The following FAT3 variants were observed in gnomAD, a reference collection of about 807,000 sequenced individuals.
FAT3 encodes the protein protocadherin Fat 3.
A neutral mutation model predicts 310.2 loss-of-function variants in FAT3; 95 were observed. The ratio of observed to expected loss-of-function variants is 0.31; its 90% CI spans 0.26 to 0.36. FAT3 has a LOEUF of 0.36. FAT3 is among the 10% of genes least tolerant of loss of function. The pLI is 1.00. For synonymous variants in FAT3, 2,314 were observed against 2,192.9 expected (o/e 1.06, Z -1.54); for missense variants, 5,408 against 5,715.6 (o/e 0.95, Z 1.74).
chr11:92,798,246 A>C lies in FAT3; in HGVS notation c.5233A>C (p.Asn1745His). The change falls in exon 10 of 28, where the codon AAT becomes CAT. Residue 1745 changes from asparagine (N) to histidine (H), a missense_variant. By Grantham distance (68) the Asn-to-His change is moderately conservative (BLOSUM62 1). Transcript: ENST00000525166. ...TTATCAACTCATCATTCAGGCCACC[A>C]ATATGGCAGGAATGGCTTCCAATGC... ...SSYQLIIQAT[N>H]MAGMASNATV... is the part of the protein sequence containing the mutation. 1 of 1,613,980 alleles carries C rather than the reference A, an allele frequency of 6.2e-7. No homozygotes were observed. Among genetic ancestry groups the C allele is most frequent in the South Asian group, 1.1e-5 (1 of 91,080 alleles).
At chr11:92,296,694 G>A (rs192198132) in intron 1 of FAT3, among the ~76,000 whole-genome samples, 6 of 152,174 alleles carry the variant, frequency 3.9e-5, no homozygotes, top group Non-Finnish European at 5.9e-5. Flanking sequence ...AAGGCTCAGC[G>A]CGAAATGGAG....
At position 92,840,600 on chromosome 11, in the gene FAT3, G is replaced by A. The variant is rs1191253751; in HGVS notation, c.10407G>A (p.Val3469=). The A allele has an allele frequency of 1.2e-6, 2 of 1,607,334 alleles. No individual in the cohort carries two copies. Among genetic ancestry groups the A allele is most frequent in the East Asian group, 2.2e-5 (1 of 44,690 alleles). ...KPVGTSILQL[V]VTDRDSFHNG... ...TGGGCACCAGCATCTTGCAGCTGGT[G>A]GTGACAGACAGAGACTCCTTTCACA... The change falls in exon 18 of 28, where the codon GTG becomes GTA. Residue 3469 remains valine, a synonymous_variant. Transcript: ENST00000525166.
At chr11:92,575,185 T>G (rs1938411699) in intron 3 of FAT3, among the ~76,000 whole-genome samples, 1 of 152,132 alleles carries the variant, frequency 6.6e-6, no homozygotes, top group African/African-American at 2.4e-5. Context: ...TAAAACTAAG[T>G]ATAGGTGATG....
chr11:92,340,344 G>A (rs1160754547), intron 1 of FAT3, among the ~76,000 whole-genome samples: 1 of 151,920 alleles, frequency 6.6e-6, no homozygotes, highest in African/African-American at 2.4e-5. Flanking sequence ...AAGGCTGTAG[G>A]GTTGCTGTCA....
intron 22 of FAT3, 104 bp from the exon 23 acceptor site, chr11:92,880,627 A>G: frequency 7.4e-7 from 1 of 1,351,474 alleles, no homozygotes; most frequent in Non-Finnish European, 1.0e-6. Context: ...GGCCCTTCCT[A>G]TTATACGGTT....
intron 2 of FAT3, among the ~76,000 whole-genome samples, chr11:92,412,722 T>TACACAC (rs1429219895): frequency 1.7e-4 from 3 of 17,736 alleles, no homozygotes; most frequent in Non-Finnish European, 6.0e-4. Flanking sequence ...TATATATATA[T>TACACAC]ATATATATAT....
intron 3 of FAT3, among the ~76,000 whole-genome samples, chr11:92,570,741 G>C (rs1955640545): frequency 6.6e-6 from 1 of 152,140 alleles, no homozygotes; most frequent in Non-Finnish European, 1.5e-5. Flanking sequence ...GATTGAAAAA[G>C]GCACCATCCC....
intron 2 of FAT3, among the ~76,000 whole-genome samples, chr11:92,513,146 C>T (rs1350499863): frequency 1.4e-5 from 2 of 146,294 alleles, no homozygotes; most frequent in Non-Finnish European, 3.0e-5. Flanking sequence ...AAGATTATCT[C>T]CACCCACAAT....
intron 3 of FAT3, among the ~76,000 whole-genome samples, chr11:92,536,801 G>A (rs941769741): frequency 1.3e-5 from 2 of 152,026 alleles, no homozygotes; most frequent in African/African-American, 2.4e-5. Context: ...GACTGTGATG[G>A]GGCTAAACAA....
intron 3 of FAT3, among the ~76,000 whole-genome samples, chr11:92,527,050 A>C (rs1953890873): frequency 6.6e-6 from 1 of 152,192 alleles, no homozygotes; most frequent in Non-Finnish European, 1.5e-5. Flanking sequence ...GATATAGCTA[A>C]AGATATAAAT....
In FAT3 at chr11:92,891,333, A is replaced by T. The variant is rs546990149; in HGVS notation, c.*220A>T. 2 of 619,438 alleles carry T rather than the reference A, an allele frequency of 3.2e-6. No individual in the cohort carries two copies. The highest frequency in any genetic ancestry group is 3.0e-5 in the Admixed American group (1 of 33,080). 38.4% of individuals were successfully genotyped at this position (619,438 alleles called of 1,614,324 possible). ...AATTGTTTTTGAGAGGTGACTGGTA[A>T]TCCTTGATGTAGGTACCTATGTTCA... On this transcript the variant is annotated 3_prime_UTR_variant, in exon 28 of 28. Coordinates refer to ENST00000525166, the MANE Select transcript of FAT3 (RefSeq NM_001367949.2).
chr11:92,241,386 A>G (rs1202383), intron 1 of FAT3, among the ~76,000 whole-genome samples: 80,503 of 151,830 alleles, frequency 0.53, 21,623 homozygotes, highest in African/African-American at 0.6. Flanking sequence ...ATGCCAAGAC[A>G]GTATTGCAAA....
Position 92,307,415 on chromosome 11 carries a change from T to A in FAT3, c.-17-44681T>A, listed in dbSNP as rs1040078686. Among the ~76,000 whole-genome samples the A allele has an allele frequency of 1.4e-4, 21 of 152,306 alleles. No individual in the cohort carries two copies. In the East Asian group the frequency reaches 3.9e-3, roughly 28 times the overall value. On this transcript the variant is annotated intron_variant, in intron 1 of 27. Coordinates refer to ENST00000525166, the MANE Select transcript of FAT3 (RefSeq NM_001367949.2). ...AAAAGTAAATGCAAATGGAAAGCAT[T>A]CTTGTATGCAGACTGAAATTGAGCA...
intron 4 of FAT3, among the ~76,000 whole-genome samples, chr11:92,749,623 T>A (rs1428605710): frequency 6.6e-6 from 1 of 152,182 alleles, no homozygotes; most frequent in African/African-American, 2.4e-5. Flanking sequence ...TTGGGACATA[T>A]GAGACTATGA....
chr11:92,508,767 A>G (rs1294845299), intron 2 of FAT3, among the ~76,000 whole-genome samples: 2 of 152,164 alleles, frequency 1.3e-5, no homozygotes, highest in African/African-American at 4.8e-5. Context: ...CCAAATGCTT[A>G]GAGACTCCAG....
Position 92,880,891 on chromosome 11 carries a change from G to A in FAT3, c.12281+7G>A. The A allele has an allele frequency of 6.2e-7, 1 of 1,612,828 alleles. No individual in the cohort carries two copies. The highest frequency in any genetic ancestry group is 8.5e-7 in the Non-Finnish European group (1 of 1,179,360). The stretch of plus-strand genomic sequence containing the variant: ...CTGGGCTCACTGGAGTCACGTAAGT[G>A]AGATTACATAAGTGTCTTTCTCTAC... On this transcript the variant is annotated splice_region_variant and intron_variant, in intron 23 of 27. Transcript: ENST00000525166.
intron 2 of FAT3, chr11:92,400,677 A>G (rs773769236): frequency 5.3e-5 from 8 of 152,040 alleles, no homozygotes; most frequent in Admixed American, 4.6e-4. Context: ...ACATTTAAAT[A>G]CTAGATAAGT....
chr11:92,437,404 G>A (rs1304071558), intron 2 of FAT3, among the ~76,000 whole-genome samples: 5 of 152,192 alleles, frequency 3.3e-5, no homozygotes, highest in African/African-American at 9.7e-5. Context: ...CTTATTCGCT[G>A]CATGACCTTG....
chr11:92,576,392 C>T (rs550650287), intron 3 of FAT3, among the ~76,000 whole-genome samples: 8 of 152,254 alleles, frequency 5.3e-5, no homozygotes, highest in African/African-American at 1.9e-4. Context: ...AGGTGGATTA[C>T]ATCACAAGTA....
Sources: gnomAD v4.1 joint callset for allele counts (sites outside exome capture counted in the v4.1 genomes callset) on GRCh38, gnomAD v4.1.1 for gene constraint, MANE v1.5 for transcripts, NCBI Gene and HGNC (gene_info 2026-07-23, HGNC 2026-07-21) for gene names.